Variants in RAD51B observed in about 807,000 individuals in gnomAD.
RAD51B encodes DNA repair protein RAD51 homolog 2.
RAD51B carries 38 observed loss-of-function variants against 42.2 expected under a neutral mutation model. The observed-to-expected ratio is 0.90, with a 90% confidence interval of 0.70 to 1.18. The LOEUF is 1.18. Ranked by LOEUF, RAD51B falls within the 50% of genes most tolerant of loss-of-function variation. The probability of loss-of-function intolerance (pLI) is 0.00; values close to 1 mark genes in which losing one functional copy is unlikely to be tolerated. For synonymous variants in RAD51B, 154 were observed against 145.2 expected (o/e 1.06, Z -0.43); for missense variants, 373 against 400.7 (o/e 0.93, Z 0.59).
At chr14:68,319,831 A>T (rs780345983) in intron 8 of RAD51B, among the ~76,000 whole-genome samples, 5 of 152,366 alleles carry the variant, frequency 3.3e-5, no homozygotes, top group Middle Eastern at 3.4e-3. Context: ...AATAATAGCT[A>T]TCATTTACTG....
chr14:68,325,451 T>C lies in RAD51B; in HGVS notation c.853+33471T>C, dbSNP rs1337773288. ...ATAGAGTACTTCATGCCCCGCCCTT[T>C]TATTGCACAGGGACTATATCTGCTT... On this transcript the variant is annotated intron_variant, in intron 8 of 10. Transcript: ENST00000471583. Among the ~76,000 whole-genome samples, 9 of 152,330 alleles carry C rather than the reference T, an allele frequency of 5.9e-5. No individual in the cohort carries two copies. In the East Asian group the frequency reaches 1.7e-3, roughly 29 times the overall value.
intron 7 of RAD51B, among the ~76,000 whole-genome samples, chr14:68,278,576 A>G (rs955187753): frequency 1.3e-5 from 2 of 152,230 alleles, no homozygotes; most frequent in African/African-American, 4.8e-5. Context: ...AAAAATTCCA[A>G]GTAAGACATG....
At chr14:68,397,771 A>G (rs1015652762) in intron 8 of RAD51B, among the ~76,000 whole-genome samples, 6 of 152,202 alleles carry the variant, frequency 3.9e-5, no homozygotes, top group Non-Finnish European at 8.8e-5. Context: ...AGCACACTGC[A>G]TTGAAGGAAC....
intron 10 of RAD51B, among the ~76,000 whole-genome samples, chr14:68,590,333 T>A (rs1323668192): frequency 6.6e-6 from 1 of 151,934 alleles, no homozygotes; most frequent in African/African-American, 2.4e-5. Context: ...TGACAGCTGT[T>A]AAAAAAAAGA....
chr14:68,480,574 C>G (rs1302416163), downstream of RAD51B, among the ~76,000 whole-genome samples: 5 of 152,086 alleles, frequency 3.3e-5, no homozygotes, highest in Non-Finnish European at 7.4e-5. Flanking sequence ...TCAAAGTCAG[C>G]TCTCCCAGAT....
intron 7 of RAD51B, among the ~76,000 whole-genome samples, chr14:68,262,879 T>C (rs1036566731): frequency 2.6e-5 from 4 of 152,244 alleles, no homozygotes; most frequent in African/African-American, 9.6e-5. Context: ...TCTCTACGAC[T>C]ATCCATCTCT....
chr14:68,397,668 C>T (rs929172731), intron 8 of RAD51B, among the ~76,000 whole-genome samples: 9 of 152,156 alleles, frequency 5.9e-5, no homozygotes, highest in African/African-American at 2.2e-4. Flanking sequence ...CATGGGGACA[C>T]CCCTCGTGTG....
chr14:68,646,300 T>C (rs1317063597), intron 10 of RAD51B, among the ~76,000 whole-genome samples: 3 of 152,216 alleles, frequency 2.0e-5, no homozygotes, highest in African/African-American at 7.2e-5. Flanking sequence ...AGTTTGCTTC[T>C]TTGATAGGTG....
intron 7 of RAD51B, among the ~76,000 whole-genome samples, chr14:68,087,148 A>AAAG (rs1555353390): frequency 2.2e-4 from 33 of 151,716 alleles, no homozygotes; most frequent in African/African-American, 7.7e-4. Flanking sequence ...AAAAAAAAAA[A>AAAG]AGAGAGAGAG....
chr14:68,270,009 G>A (rs1303096497), intron 7 of RAD51B, among the ~76,000 whole-genome samples: 1 of 152,124 alleles, frequency 6.6e-6, no homozygotes, highest in East Asian at 1.9e-4. Flanking sequence ...TTTCCAAAGG[G>A]TCAACAAGGA....
intron 8 of RAD51B, among the ~76,000 whole-genome samples, chr14:68,313,940 C>G (rs890057937): frequency 1.3e-5 from 2 of 152,132 alleles, no homozygotes; most frequent in Non-Finnish European, 2.9e-5. Flanking sequence ...CTAAAGACCC[C>G]GTGGCCTCTG....
At chr14:68,306,564 C>T (rs2081867485) in intron 8 of RAD51B, 1 of 480,280 alleles carries the variant, frequency 2.1e-6, no homozygotes, top group African/African-American at 2.0e-5. Context: ...TATGTGTGAC[C>T]CAGTATATCT....
At chr14:68,372,142 G>A (rs2083277891) in intron 8 of RAD51B, among the ~76,000 whole-genome samples, 1 of 152,186 alleles carries the variant, frequency 6.6e-6, no homozygotes, top group South Asian at 2.1e-4. Flanking sequence ...CTGCTAAGAG[G>A]TCCAATAAGA....
chr14:68,365,610 C>T (rs749931950), intron 8 of RAD51B, among the ~76,000 whole-genome samples: 27 of 152,156 alleles, frequency 1.8e-4, no homozygotes, highest in Non-Finnish European at 2.9e-5. Flanking sequence ...ATTAACTTAC[C>T]AGTGTGATCT....
At chr14:67,886,346 C>T (rs572479398) in intron 6 of RAD51B, among the ~76,000 whole-genome samples, 12 of 152,194 alleles carry the variant, frequency 7.9e-5, no homozygotes, top group East Asian at 5.8e-4. Flanking sequence ...GGCTCAATGT[C>T]GCTCAAGAGG....
At chr14:68,384,693 C>T (rs999452024) in intron 8 of RAD51B, among the ~76,000 whole-genome samples, 7 of 152,150 alleles carry the variant, frequency 4.6e-5, no homozygotes, top group African/African-American at 1.4e-4. Context: ...TTTTCATTTC[C>T]GAGTTGCAAG....
At chr14:68,006,067 A>G (rs2075586787) in intron 7 of RAD51B, among the ~76,000 whole-genome samples, 1 of 152,160 alleles carries the variant, frequency 6.6e-6, no homozygotes, top group Non-Finnish European at 1.5e-5. Context: ...TAAACCATTT[A>G]TGAAGGATCC....
At position 68,023,294 on chromosome 14, in the gene RAD51B, T is replaced by G. The variant is rs776337996; in HGVS notation, c.756+136090T>G. On this transcript the variant is annotated intron_variant, in intron 7 of 10. Coordinates refer to ENST00000471583, the MANE Select transcript of RAD51B (RefSeq NM_133510.4). ...CACCAGTGGCGTATAAACATTCCCT[T>G]TTCTCCACAATCCACAATCTCATGA... 2.4e-3 allele frequency among the ~76,000 whole-genome samples: 360 copies of G among 152,310 alleles called. 2 individuals are homozygous for G. Among genetic ancestry groups the G allele is most frequent in the Non-Finnish European group, 3.8e-3 (260 of 68,022 alleles).
chr14:68,514,000 C>T (rs1255176536), intron 10 of RAD51B, among the ~76,000 whole-genome samples: 2 of 152,154 alleles, frequency 1.3e-5, no homozygotes, highest in Non-Finnish European at 2.9e-5. Context: ...AACAAGTTAA[C>T]ACACACAAAG....
Sources: gnomAD v4.1 joint callset for allele counts (sites outside exome capture counted in the v4.1 genomes callset) on GRCh38, gnomAD v4.1.1 for gene constraint, MANE v1.5 for transcripts, NCBI Gene and HGNC (gene_info 2026-07-23, HGNC 2026-07-21) for gene names.